Variants in AK8 observed in about 807,000 individuals in gnomAD.
The protein encoded by AK8 is ATP-AMP transphosphorylase 8.
AK8 carries 44 observed loss-of-function variants against 54.6 expected under a neutral mutation model. That is an observed-to-expected ratio of 0.81 (90% CI 0.63 to 1.04). AK8 has a LOEUF of 1.04. Among genes scored for constraint, AK8 ranks in the 50% least tolerant of loss-of-function variants. The pLI, the probability that AK8 is intolerant of heterozygous loss-of-function variation, is 0.00. For synonymous variants in AK8, 239 were observed against 245.6 expected, an observed-to-expected ratio of 0.97 and a Z score of 0.25; for missense variants, 555 against 613.6, an observed-to-expected ratio of 0.90 and a Z score of 1.01.
intron 11 of AK8, among the ~76,000 whole-genome samples, chr9:132,746,809 G>A (rs953811883): frequency 6.6e-5 from 10 of 152,160 alleles, no homozygotes; most frequent in African/African-American, 1.7e-4. Context: ...TCTCTGCCTC[G>A]AGGATGAAAG....
At chr9:132,737,038 T>C (rs568613928) in intron 11 of AK8, among the ~76,000 whole-genome samples, 3 of 152,138 alleles carry the variant, frequency 2.0e-5, no homozygotes, top group African/African-American at 7.2e-5. Context: ...GACAAAAAAG[T>C]TCTGGAGATG....
chr9:132,866,815 C>T, intron 3 of AK8, 89 bp downstream of exon 3: 1 of 1,251,586 alleles, frequency 8.0e-7, no homozygotes, highest in Non-Finnish European at 1.2e-6. Context: ...CTCAGTTATG[C>T]TACAAATTCA....
chr9:132,848,115 C>CAAAAAAAAAAAAAAAAAAA (rs796764891), intron 5 of AK8, among the ~76,000 whole-genome samples: 1 of 52,534 alleles, frequency 1.9e-5, no homozygotes, highest in African/African-American at 7.2e-5. Context: ...CACCCTGTTT[C>CAAAAAAAAAAAAAAAAAAA]AAAAAAAAAA....
At chr9:132,730,180 C>G (rs1022694116) in intron 11 of AK8, among the ~76,000 whole-genome samples, 1 of 152,130 alleles carries the variant, frequency 6.6e-6, no homozygotes, top group African/African-American at 2.4e-5. Flanking sequence ...AGTCAGTGAA[C>G]AAAAGCAGCC....
chr9:132,792,846 C>T (rs1840005241), intron 10 of AK8, 71 bp from the exon 11 acceptor site: 1 of 1,491,884 alleles, frequency 6.7e-7, no homozygotes, highest in African/African-American at 1.4e-5. Context: ...CCTAACTTTA[C>T]TTGGCCATAG....
rs544488990 is a variant in AK8 at position 132,776,211 on chromosome 9, G to T, written c.1121+16423C>A. 2.0e-4 allele frequency among the ~76,000 whole-genome samples: 31 copies of T among 152,326 alleles called. 1 individual carries two copies. In the South Asian group the frequency reaches 6.4e-3, roughly 32 times the overall value. ...AGATTAAAATGCTACAACTCTAGGG[G>T]TGGTGGGCTGCTGGCCTATCACCAC... is the stretch of plus-strand genomic sequence containing the variant. On this transcript the variant is annotated intron_variant, in intron 11 of 12. Coordinates refer to ENST00000298545, the MANE Select transcript of AK8 (RefSeq NM_152572.3).
At chr9:132,786,966 T>C (rs1036678381) in intron 11 of AK8, among the ~76,000 whole-genome samples, 2 of 152,036 alleles carry the variant, frequency 1.3e-5, no homozygotes, top group Non-Finnish European at 2.9e-5. Flanking sequence ...AAAAAGCTCT[T>C]GAATATTACA....
At chr9:132,798,874 G>A (rs532670888) in intron 10 of AK8, among the ~76,000 whole-genome samples, 9 of 152,220 alleles carry the variant, frequency 5.9e-5, no homozygotes, top group East Asian at 3.9e-4. Flanking sequence ...TCCCCACCGC[G>A]GGCCCGTGTC....
chr9:132,774,767 C>T (rs575263017), intron 11 of AK8, among the ~76,000 whole-genome samples: 2 of 152,274 alleles, frequency 1.3e-5, no homozygotes, highest in East Asian at 3.9e-4. Context: ...GGTCACCTGT[C>T]ATTGTCCACC....
chr9:132,869,895 G>A (rs1843743448), intron 2 of AK8, among the ~76,000 whole-genome samples: 1 of 151,950 alleles, frequency 6.6e-6, no homozygotes, highest in South Asian at 2.1e-4. Context: ...GCGCCTGCTT[G>A]GCCAAAGTCT....
At chr9:132,846,987 G>T (rs1179942550) in intron 5 of AK8, among the ~76,000 whole-genome samples, 1 of 152,206 alleles carries the variant, frequency 6.6e-6, no homozygotes, top group Non-Finnish European at 1.5e-5. Flanking sequence ...GGCTTCTCCC[G>T]GGCCGAGATA....
At chr9:132,761,672 T>C (rs1361961538) in intron 11 of AK8, among the ~76,000 whole-genome samples, 1 of 152,210 alleles carries the variant, frequency 6.6e-6, no homozygotes, top group African/African-American at 2.4e-5. Context: ...ATTTTTCCTA[T>C]CCTTGTAATC....
chr9:132,771,412 G>A (rs1015270187), intron 11 of AK8, among the ~76,000 whole-genome samples: 5 of 152,152 alleles, frequency 3.3e-5, no homozygotes, highest in African/African-American at 7.2e-5. Context: ...ATGTTTTTAC[G>A]AGATTCTGTT....
At position 132,779,131 on chromosome 9, in the gene AK8, C is replaced by T. The variant is rs148798024; in HGVS notation, c.1121+13503G>A. Reference sequence around the variant, plus strand: ...ATTTTTAAAATTATTTGTACCAACCCATAGTGAGTAGATGCAGCAAATACT... The same window carrying T: ...ATTTTTAAAATTATTTGTACCAACCTATAGTGAGTAGATGCAGCAAATACT... On this transcript the variant is annotated intron_variant, in intron 11 of 12. Transcript: ENST00000298545. Among the ~76,000 whole-genome samples the T allele has an allele frequency of 4.4e-3, 664 of 152,232 alleles. 5 individuals carry two copies. The highest frequency in any genetic ancestry group is 0.024 in the South Asian group (116 of 4,824).
intron 5 of AK8, 47 bp downstream of exon 5, chr9:132,854,810 C>G (rs774869135): frequency 2.5e-6 from 4 of 1,600,672 alleles, no homozygotes; most frequent in African/African-American, 2.7e-5. Flanking sequence ...GCCCTTCACC[C>G]TCCCCTTTAT....
At chr9:132,736,261 A>C (rs780270627) in intron 11 of AK8, among the ~76,000 whole-genome samples, 1 of 146,144 alleles carries the variant, frequency 6.8e-6, no homozygotes, top group Admixed American at 7.1e-5. Flanking sequence ...ATCTTGGCTC[A>C]CTGCAACCTC....
At chr9:132,772,831 G>A (rs1731961249) in intron 11 of AK8, among the ~76,000 whole-genome samples, 1 of 152,074 alleles carries the variant, frequency 6.6e-6, no homozygotes, top group Non-Finnish European at 1.5e-5. Context: ...GCAAATCAAT[G>A]GTACCAATTC....
At chr9:132,852,600 A>G (rs1843006832) in intron 5 of AK8, among the ~76,000 whole-genome samples, 1 of 135,814 alleles carries the variant, frequency 7.4e-6, no homozygotes, top group African/African-American at 2.6e-5. Context: ...ACAGAGCAAG[A>G]CTCCATCTCA....
At chr9:132,783,229 C>A (rs183284489) in intron 11 of AK8, among the ~76,000 whole-genome samples, 2 of 152,176 alleles carry the variant, frequency 1.3e-5, no homozygotes, top group Non-Finnish European at 1.5e-5. Context: ...TGCACTACGG[C>A]CTCTGAAGAT....
Sources: gnomAD v4.1 joint callset for allele counts (sites outside exome capture counted in the v4.1 genomes callset) on GRCh38, gnomAD v4.1.1 for gene constraint, MANE v1.5 for transcripts, NCBI Gene and HGNC (gene_info 2026-07-23, HGNC 2026-07-21) for gene names.